C13orf42: variants seen among roughly 807,000 people sequenced by gnomAD.
C13orf42 encodes the protein uncharacterized protein C13orf42.
chr13:51,145,954 C>A (rs1178858502), intron 1 of C13orf42, among the ~76,000 whole-genome samples: 1 of 152,184 alleles, frequency 6.6e-6, no homozygotes, highest in Admixed American at 6.5e-5. Context: ...AAGTTCTCAA[C>A]CTTGGCAAAA....
At chr13:51,114,651 T>TGG (rs1953470038), upstream of C13orf42, among the ~76,000 whole-genome samples, 1 of 142,378 alleles carries the variant, frequency 7.0e-6, no homozygotes, top group Admixed American at 7.0e-5. Flanking sequence ...TAGATAGAGA[T>TGG]AGACAGACAG....
At chr13:51,141,061 A>G (rs1310335613) in intron 1 of C13orf42, among the ~76,000 whole-genome samples, 1 of 150,726 alleles carries the variant, frequency 6.6e-6, no homozygotes, top group African/African-American at 2.4e-5. Flanking sequence ...AATAGCTAAA[A>G]GTCAGCTTAA....
At chr13:51,166,893 A>AG (rs1385961871) in intron 1 of C13orf42, among the ~76,000 whole-genome samples, 1 of 152,186 alleles carries the variant, frequency 6.6e-6, no homozygotes, top group East Asian at 1.9e-4. Context: ...AGCCTGGCCA[A>AG]CACAGTGAAA....
chr13:51,123,269 C>G (rs1953550466), intron 1 of C13orf42, among the ~76,000 whole-genome samples: 1 of 152,216 alleles, frequency 6.6e-6, no homozygotes, highest in African/African-American at 2.4e-5. Context: ...ATTTCTTTCT[C>G]AATCATATTG....
intron 1 of C13orf42, among the ~76,000 whole-genome samples, chr13:51,116,593 G>A (rs1431521488): frequency 6.6e-6 from 1 of 152,224 alleles, no homozygotes; most frequent in Non-Finnish European, 1.5e-5. Flanking sequence ...TAGAACAGAA[G>A]ATGATGTGGC....
intron 1 of C13orf42, among the ~76,000 whole-genome samples, chr13:51,130,505 CT>C (rs1953607986): frequency 6.6e-6 from 1 of 152,118 alleles, no homozygotes; most frequent in Non-Finnish European, 1.5e-5. Context: ...TGTAGATGGT[CT>C]GTGTACATTG....
At chr13:51,154,018 ACAACCAC>A (rs1211669661) in intron 1 of C13orf42, among the ~76,000 whole-genome samples, 4 of 152,226 alleles carry the variant, frequency 2.6e-5, no homozygotes, top group Middle Eastern at 6.8e-3. Context: ...CCAGCCCCTG[ACAACCAC>A]CATTCTACTT....
intron 2 of C13orf42, 132 bp downstream of exon 2, chr13:51,087,796 C>T (rs1953143904): frequency 5.1e-6 from 2 of 395,362 alleles, no homozygotes; most frequent in Middle Eastern, 6.2e-4. Context: ...CAGGGTTTCC[C>T]TTTAATCAGG....
rs1953094739 is a variant in C13orf42, at chr13:51,084,128, C to T, written c.*23G>A. The T allele has an allele frequency of 2.5e-6, 1 of 398,586 alleles. No homozygotes were observed. The highest frequency in any genetic ancestry group is 4.4e-5 in the Admixed American group (1 of 22,722). The allele number at this position is 398,586 out of a possible 1,614,324, so 24.7% of individuals were successfully genotyped here. A position where few individuals can be genotyped will look rare whatever the true frequency, so the allele number is the denominator to read the frequency against. On this transcript the variant is annotated 3_prime_UTR_variant, in exon 4 of 4. Transcript: ENST00000563710. ...AGCTTCTCAGGGACCCAGTCTGAGACACGTCAAGGAATCCAGATGGAGTCA... is the reference window on the plus strand; with the variant it reads ...AGCTTCTCAGGGACCCAGTCTGAGATACGTCAAGGAATCCAGATGGAGTCA...
intron 1 of C13orf42, among the ~76,000 whole-genome samples, chr13:51,101,585 T>A (rs924742385): frequency 6.6e-6 from 1 of 152,362 alleles, no homozygotes; most frequent in Non-Finnish European, 1.5e-5. Context: ...TTATAACAGT[T>A]TTCTTCTTAA....
intron 1 of C13orf42, among the ~76,000 whole-genome samples, chr13:51,107,841 G>A (rs1189476804): frequency 3.9e-5 from 6 of 152,352 alleles, no homozygotes; most frequent in Non-Finnish European, 8.8e-5. Context: ...AGTAGGATGT[G>A]ATGAAAGCTA....
At chr13:51,148,820 G>A (rs1176123020) in intron 1 of C13orf42, among the ~76,000 whole-genome samples, 2 of 152,226 alleles carry the variant, frequency 1.3e-5, no homozygotes, top group South Asian at 2.1e-4. Context: ...AGCTGGGCCC[G>A]TATTGACCGT....
chr13:51,085,492 G>C lies in C13orf42; in HGVS notation c.630C>G (p.Ser210=). The C allele has an allele frequency of 2.5e-6, 1 of 398,636 alleles. No homozygotes were observed. The highest frequency in any genetic ancestry group is 4.4e-6 in the Non-Finnish European group (1 of 226,094). The allele number at this position is 398,636 out of a possible 1,614,324, so 24.7% of individuals were successfully genotyped here. A position where few individuals can be genotyped will look rare whatever the true frequency, so the allele number is the denominator to read the frequency against. ...GCACAGTGTGGGCAGCGATATCCTCGGAGTGTCTGCGCGGTGCCCGCAGGA... is the reference window on the plus strand; with the variant it reads ...GCACAGTGTGGGCAGCGATATCCTCCGAGTGTCTGCGCGGTGCCCGCAGGA... ...NWILRAPRRH[S]EDIAAHTVHT... is the part of the protein sequence containing the mutation. The change falls in exon 3 of 4, where the codon TCC becomes TCG. Residue 210 remains serine (S), a synonymous_variant. Coordinates refer to ENST00000563710, the MANE Select transcript of C13orf42 (RefSeq NM_001351589.3).
chr13:51,150,822 G>T (rs1953772901), intron 1 of C13orf42, among the ~76,000 whole-genome samples: 2 of 152,182 alleles, frequency 1.3e-5, no homozygotes, highest in Non-Finnish European at 2.9e-5. Flanking sequence ...TGAATTCCTT[G>T]GTTCTATGCA....
upstream of C13orf42, among the ~76,000 whole-genome samples, chr13:51,114,517 T>A (rs1953466281): frequency 6.6e-6 from 1 of 152,184 alleles, no homozygotes; most frequent in East Asian, 1.9e-4. Context: ...TTTCTGGGTC[T>A]GGCTTATTTC....
At chr13:51,120,886 T>C (rs1305727609) in intron 1 of C13orf42, among the ~76,000 whole-genome samples, 1 of 152,112 alleles carries the variant, frequency 6.6e-6, no homozygotes, top group Non-Finnish European at 1.5e-5. Flanking sequence ...TGGTGACACG[T>C]GCCTGTAATC....
chr13:51,102,971 C>T (rs780334549), intron 1 of C13orf42, among the ~76,000 whole-genome samples: 11 of 152,118 alleles, frequency 7.2e-5, no homozygotes, highest in Non-Finnish European at 1.0e-4. Context: ...TGGGGTAAAC[C>T]GCCCCCATAA....
At chr13:51,119,134 G>A (rs1330088004) in intron 1 of C13orf42, among the ~76,000 whole-genome samples, 1 of 151,968 alleles carries the variant, frequency 6.6e-6, no homozygotes, top group Non-Finnish European at 1.5e-5. Context: ...GGCATGCCCA[G>A]GTGTACAGTA....
intron 1 of C13orf42, among the ~76,000 whole-genome samples, chr13:51,131,389 T>C (rs7991731): frequency 0.053 from 8,101 of 152,314 alleles, 234 homozygotes; most frequent in African/African-American, 0.085. Context: ...ACTTGACTTA[T>C]AGATCCAATA....
Sources: allele counts gnomAD v4.1 joint callset (sites outside exome capture counted in the v4.1 genomes callset), GRCh38; gene constraint gnomAD v4.1.1; transcripts MANE v1.5; gene names NCBI Gene and HGNC (gene_info 2026-07-23, HGNC 2026-07-21).